Variants in MAGI2 observed in about 807,000 individuals in gnomAD.
MAGI2 encodes membrane associated guanylate kinase, WW and PDZ domain containing 2.
A neutral mutation model predicts 133.3 loss-of-function variants in MAGI2; 35 were observed. The ratio of observed to expected loss-of-function variants is 0.26; its 90% CI spans 0.20 to 0.35. MAGI2 has a LOEUF of 0.35. Among genes scored for constraint, MAGI2 ranks in the 10% least tolerant of loss-of-function variants. The probability of loss-of-function intolerance (pLI) is 1.00; values close to 1 mark genes in which losing one functional copy is unlikely to be tolerated. For missense variants in MAGI2, 1,636 were observed against 1,863.4 expected, an observed-to-expected ratio of 0.88 and a Z score of 2.25; for synonymous variants, 729 against 710.6, an observed-to-expected ratio of 1.03 and a Z score of -0.41.
intron 1 of MAGI2, among the ~76,000 whole-genome samples, chr7:79,376,478 T>C (rs1209581254): frequency 2.0e-5 from 3 of 151,950 alleles, no homozygotes; most frequent in Non-Finnish European, 1.5e-5. Flanking sequence ...TATTGATCCC[T>C]TGACAACATG....
intron 16 of MAGI2, among the ~76,000 whole-genome samples, chr7:78,157,772 C>T (rs766426030): frequency 6.6e-6 from 1 of 152,114 alleles, no homozygotes; most frequent in African/African-American, 2.4e-5. Context: ...CATGAAAATC[C>T]TTAGTTTTGT....
chr7:78,119,805 AAAG>A (rs1820252450), intron 20 of MAGI2, among the ~76,000 whole-genome samples: 4 of 152,154 alleles, frequency 2.6e-5, no homozygotes, highest in Non-Finnish European at 5.9e-5. Flanking sequence ...AAAATGAAGA[AAAG>A]AAGACTGGGT....
chr7:78,084,174 T>A (rs1816360739), intron 20 of MAGI2, among the ~76,000 whole-genome samples: 1 of 152,226 alleles, frequency 6.6e-6, no homozygotes, highest in African/African-American at 2.4e-5. Flanking sequence ...GGAATTGAGC[T>A]TCTTTGGAAT....
chr7:78,595,432 C>T (rs984025403), intron 3 of MAGI2, among the ~76,000 whole-genome samples: 1 of 152,198 alleles, frequency 6.6e-6, no homozygotes, highest in South Asian at 2.1e-4. Flanking sequence ...CTTACGCTCT[C>T]ATCTAACAAG....
chr7:78,447,378 TA>T (rs61438029), intron 6 of MAGI2, among the ~76,000 whole-genome samples: 2,162 of 139,538 alleles, frequency 0.015, 25 homozygotes, highest in African/African-American at 0.038. Flanking sequence ...TCCAGATGGC[TA>T]AAAAAAAAAA....
At chr7:78,692,402 T>C (rs1349245029) in intron 2 of MAGI2, among the ~76,000 whole-genome samples, 1 of 152,156 alleles carries the variant, frequency 6.6e-6, no homozygotes, top group East Asian at 1.9e-4. Context: ...AGGCTGCCAC[T>C]GAGACACTTC....
At chr7:78,557,751 G>A (rs1033430759) in intron 3 of MAGI2, among the ~76,000 whole-genome samples, 1 of 152,152 alleles carries the variant, frequency 6.6e-6, no homozygotes, top group Non-Finnish European at 1.5e-5. Flanking sequence ...CAGTAATAAA[G>A]GTTTTTCTTT....
chr7:79,093,468 C>T (rs549134918), intron 1 of MAGI2, among the ~76,000 whole-genome samples: 23 of 152,226 alleles, frequency 1.5e-4, no homozygotes, highest in African/African-American at 5.5e-4. Context: ...TATATCTACA[C>T]CACATTGTAG....
rs1430461191 is a variant in MAGI2 at position 78,178,013 on chromosome 7, G to A, written c.2401C>T (p.Pro801Ser). The change falls in exon 14 of 22, where the codon CCT becomes TCT. Residue 801 changes from proline (P) to serine (S), a missense_variant and splice_region_variant. By Grantham distance (74) the Pro-to-Ser change is moderately conservative. Transcript: ENST00000354212. Reference sequence around the variant, plus strand: ...GAAATAAAGAAGATTCAACTTACAGGCTGTCCAGGCTCATCTCCCCCGAGG... The same window carrying A: ...GAAATAAAGAAGATTCAACTTACAGACTGTCCAGGCTCATCTCCCCCGAGG... ...RILGGDEPGQ[P>S]ILIGAVIAMG... 6.2e-7 allele frequency: 1 copy of A among 1,608,078 alleles called. No homozygotes were observed.
intron 2 of MAGI2, among the ~76,000 whole-genome samples, chr7:78,736,563 C>T (rs575230150): frequency 1.2e-4 from 19 of 152,238 alleles, no homozygotes; most frequent in Admixed American, 1.3e-4. Flanking sequence ...GTGTAGACCC[C>T]TGAGGGTCCC....
chr7:79,273,842 T>C (rs1439696589), intron 1 of MAGI2, among the ~76,000 whole-genome samples: 7 of 152,098 alleles, frequency 4.6e-5, no homozygotes, highest in Non-Finnish European at 8.8e-5. Context: ...TCTTAGGAAA[T>C]GTGTTCTGAT....
intron 1 of MAGI2, among the ~76,000 whole-genome samples, chr7:79,359,511 G>C (rs1263749506): frequency 6.6e-6 from 1 of 151,890 alleles, no homozygotes; most frequent in Non-Finnish European, 1.5e-5. Flanking sequence ...TCCCAAATAG[G>C]ATAAACTTAA....
intron 6 of MAGI2, among the ~76,000 whole-genome samples, chr7:78,459,579 T>A (rs1789740282): frequency 6.6e-6 from 1 of 152,230 alleles, no homozygotes; most frequent in Admixed American, 6.5e-5. Flanking sequence ...TCTTGTTAAA[T>A]GAGCATGGTG....
chr7:79,022,779 A>T (rs1416884089), intron 1 of MAGI2, among the ~76,000 whole-genome samples: 4 of 152,130 alleles, frequency 2.6e-5, no homozygotes, highest in African/African-American at 9.7e-5. Flanking sequence ...CTGAAAACAT[A>T]CACCATCCCA....
intron 1 of MAGI2, among the ~76,000 whole-genome samples, chr7:79,048,130 T>G (rs1205375037): frequency 6.6e-6 from 1 of 152,160 alleles, no homozygotes; most frequent in Non-Finnish European, 1.5e-5. Context: ...TTCTTAGCAC[T>G]TCCATTGTGA....
chr7:78,023,045 G>A (rs1808562318), intron 21 of MAGI2, among the ~76,000 whole-genome samples: 1 of 152,126 alleles, frequency 6.6e-6, no homozygotes, highest in South Asian at 2.1e-4. Context: ...TCATTTTTCT[G>A]CACAGGAACT....
intron 1 of MAGI2, among the ~76,000 whole-genome samples, chr7:79,359,669 A>AACACACACAC (rs59414419): frequency 1.6e-4 from 22 of 140,120 alleles, no homozygotes; most frequent in Middle Eastern, 3.5e-3. Flanking sequence ...TCAAGTGGGA[A>AACACACACAC]ACACACACAC....
chr7:78,713,154 T>G (rs978398778), intron 2 of MAGI2, among the ~76,000 whole-genome samples: 21 of 152,200 alleles, frequency 1.4e-4, no homozygotes, highest in African/African-American at 4.3e-4. Context: ...ATGTGTTCAG[T>G]GATGACTATG....
At chr7:78,491,147 A>G (rs1793566568) in intron 5 of MAGI2, among the ~76,000 whole-genome samples, 1 of 152,140 alleles carries the variant, frequency 6.6e-6, no homozygotes, top group African/African-American at 2.4e-5. Flanking sequence ...TGTACTTACA[A>G]TGAAGTTTAG....
Sources: allele counts gnomAD v4.1 joint callset (sites outside exome capture counted in the v4.1 genomes callset), GRCh38; gene constraint gnomAD v4.1.1; transcripts MANE v1.5; gene names NCBI Gene and HGNC (gene_info 2026-07-23, HGNC 2026-07-21).